The following GUCY1A2 variants were observed in gnomAD, a reference collection of about 807,000 sequenced individuals.
GUCY1A2 encodes the protein guanylate cyclase soluble subunit alpha-2.
Under a neutral mutation model 63.5 loss-of-function variants are expected in GUCY1A2, and 27 were observed. The observed-to-expected ratio is 0.43, with a 90% CI of 0.31 to 0.59. The LOEUF is 0.59. Among genes scored for constraint, GUCY1A2 ranks in the 20% least tolerant of loss-of-function variants. GUCY1A2 has a pLI of 0.11. For missense variants in GUCY1A2, 768 were observed against 913.3 expected, an observed-to-expected ratio of 0.84 and a Z score of 2.05; for synonymous variants, 364 against 343.5, an observed-to-expected ratio of 1.06 and a Z score of -0.66.
chr11:106,935,620 A>G (rs1378869987), intron 4 of GUCY1A2, among the ~76,000 whole-genome samples: 1 of 152,102 alleles, frequency 6.6e-6, no homozygotes, highest in Admixed American at 6.6e-5. Flanking sequence ...TGGGTGGATC[A>G]CCTGAGGTCA....
At chr11:106,905,152 T>C (rs748747240) in intron 4 of GUCY1A2, among the ~76,000 whole-genome samples, 8 of 152,114 alleles carry the variant, frequency 5.3e-5, no homozygotes, top group Admixed American at 2.0e-4. Flanking sequence ...ATACAACCAA[T>C]GGATCATTTA....
chr11:106,845,998 T>G lies in GUCY1A2; in HGVS notation c.1207-35520A>C, dbSNP rs143149186. On this transcript the variant is annotated intron_variant, in intron 4 of 7. Coordinates refer to ENST00000526355, the MANE Select transcript of GUCY1A2 (RefSeq NM_000855.3). ...GTACCACTTAATGTGATACAGCTCT[T>G]GCCAAAAACATTTAACCTAATCTAA... 4.3e-3 allele frequency among the ~76,000 whole-genome samples: 652 copies of G among 151,698 alleles called. 7 individuals are homozygous for G. Among genetic ancestry groups the G allele is most frequent in the African/African-American group, 0.015 (626 of 41,484 alleles).
At chr11:106,864,697 G>T (rs1243948630) in intron 4 of GUCY1A2, among the ~76,000 whole-genome samples, 2 of 152,116 alleles carry the variant, frequency 1.3e-5, no homozygotes, top group African/African-American at 2.4e-5. Context: ...CAATGGTTCT[G>T]TTTATGTGAT....
intron 3 of GUCY1A2, among the ~76,000 whole-genome samples, chr11:106,973,512 G>C (rs971760764): frequency 6.6e-6 from 1 of 152,066 alleles, no homozygotes; most frequent in Admixed American, 6.6e-5. Flanking sequence ...AGTATCCCAA[G>C]TACATTTGAA....
At chr11:106,870,105 T>TG (rs1208923806) in intron 4 of GUCY1A2, among the ~76,000 whole-genome samples, 83 of 21,570 alleles carry the variant, frequency 3.8e-3, no homozygotes, top group Non-Finnish European at 4.6e-3. Context: ...GGGCCTCTTG[T>TG]GAGGGGGGGG....
chr11:107,013,477 T>C (rs1419432466), intron 1 of GUCY1A2, among the ~76,000 whole-genome samples: 1 of 152,244 alleles, frequency 6.6e-6, no homozygotes, highest in Non-Finnish European at 1.5e-5. Flanking sequence ...CCAACTATTA[T>C]ATTATTTTAA....
At chr11:106,714,333 G>A (rs970389148) in intron 6 of GUCY1A2, among the ~76,000 whole-genome samples, 4 of 152,104 alleles carry the variant, frequency 2.6e-5, no homozygotes, top group Non-Finnish European at 5.9e-5. Flanking sequence ...CATGGAACAG[G>A]ACTCAGAGAA....
intron 5 of GUCY1A2, among the ~76,000 whole-genome samples, chr11:106,786,256 CTTCA>C (rs1455072318): frequency 7.2e-5 from 11 of 152,202 alleles, no homozygotes; most frequent in Non-Finnish European, 1.3e-4. Context: ...AAAACAGCCT[CTTCA>C]TTCTTTCTTT....
intron 6 of GUCY1A2, among the ~76,000 whole-genome samples, chr11:106,732,929 A>T (rs749677555): frequency 6.6e-6 from 1 of 152,198 alleles, no homozygotes; most frequent in African/African-American, 2.4e-5. Context: ...TGTCTCATTC[A>T]TCTGCTACAA....
intron 3 of GUCY1A2, among the ~76,000 whole-genome samples, chr11:106,949,504 C>A (rs1288769610): frequency 6.6e-6 from 1 of 152,154 alleles, no homozygotes; most frequent in Non-Finnish European, 1.5e-5. Context: ...TAGTTCTCTG[C>A]TTCACTTATT....
chr11:107,007,954 C>G (rs1329852005), intron 1 of GUCY1A2, among the ~76,000 whole-genome samples: 2 of 148,368 alleles, frequency 1.3e-5, no homozygotes, highest in Non-Finnish European at 2.9e-5. Flanking sequence ...TCAGCAACCC[C>G]AAATAACTGT....
At chr11:106,818,651 C>T (rs1407191285) in intron 4 of GUCY1A2, among the ~76,000 whole-genome samples, 2 of 151,972 alleles carry the variant, frequency 1.3e-5, no homozygotes, top group African/African-American at 2.4e-5. Context: ...AAAGGCATGT[C>T]GAAAGCTGAG....
At chr11:106,931,665 C>G (rs377256742) in intron 4 of GUCY1A2, among the ~76,000 whole-genome samples, 4 of 152,154 alleles carry the variant, frequency 2.6e-5, no homozygotes, top group African/African-American at 9.7e-5. Flanking sequence ...GAAAAATTAA[C>G]AATCTGCTGA....
intron 6 of GUCY1A2, 147 bp from the exon 7 acceptor site, chr11:106,708,813 T>C (rs1185386163): frequency 6.4e-6 from 3 of 469,352 alleles, no homozygotes; most frequent in Admixed American, 4.0e-5. Context: ...CTGGTCATTT[T>C]TGTGAGCCTA....
chr11:106,717,567 A>G (rs1863237216), intron 6 of GUCY1A2, among the ~76,000 whole-genome samples: 1 of 152,248 alleles, frequency 6.6e-6, no homozygotes, highest in Non-Finnish European at 1.5e-5. Flanking sequence ...AAATAGGTCT[A>G]TAATAGAAAA....
intron 4 of GUCY1A2, among the ~76,000 whole-genome samples, chr11:106,875,381 T>C (rs193236670): frequency 6.6e-6 from 1 of 152,142 alleles, no homozygotes; most frequent in South Asian, 2.1e-4. Context: ...CAGAAACTGA[T>C]AGATGAACAA....
intron 4 of GUCY1A2, among the ~76,000 whole-genome samples, chr11:106,857,613 C>G (rs1039003426): frequency 1.3e-5 from 2 of 152,126 alleles, no homozygotes; most frequent in Non-Finnish European, 2.9e-5. Context: ...TCAGTTTTTT[C>G]GAGAACGTAC....
chr11:106,742,286 T>TA (rs1863708060), intron 6 of GUCY1A2, among the ~76,000 whole-genome samples: 1 of 152,160 alleles, frequency 6.6e-6, no homozygotes, highest in Admixed American at 6.6e-5. Context: ...TCCCATCACT[T>TA]AGATATTAAG....
intron 2 of GUCY1A2, among the ~76,000 whole-genome samples, chr11:106,982,265 T>C (rs1259807045): frequency 2.0e-5 from 3 of 152,148 alleles, no homozygotes; most frequent in Non-Finnish European, 1.5e-5. Flanking sequence ...AGAAAAAAAG[T>C]ACCATTATAA....
Sources: allele counts gnomAD v4.1 joint callset (sites outside exome capture counted in the v4.1 genomes callset), GRCh38; gene constraint gnomAD v4.1.1; transcripts MANE v1.5; gene names NCBI Gene and HGNC (gene_info 2026-07-23, HGNC 2026-07-21).